The following AGMO variants were observed in gnomAD, a reference collection of about 807,000 sequenced individuals.
The protein encoded by AGMO is alkylglycerol monooxygenase.
A neutral mutation model predicts 60.2 loss-of-function variants in AGMO; 75 were observed. The ratio of observed to expected loss-of-function variants is 1.25; its 90% CI spans 1.03 to 1.51. The LOEUF is 1.51. Among genes scored for constraint, AGMO ranks in the 40% most tolerant of loss-of-function variants. The pLI, the probability that AGMO is intolerant of heterozygous loss-of-function variation, is 0.00. For missense variants in AGMO, 763 were observed against 525.5 expected (o/e 1.45, Z -4.42); for synonymous variants, 261 against 177.1 (o/e 1.47, Z -3.76).
At position 15,234,137 on chromosome 7, in the gene AGMO, G is replaced by A. The variant is rs904800539; in HGVS notation, c.1264-32778C>T. On this transcript the variant is annotated intron_variant, in intron 12 of 12. Coordinates refer to ENST00000342526, the MANE Select transcript of AGMO (RefSeq NM_001004320.2). ...AACTTCACTACTGACTACAACTTCC[G>A]AAAATGAGATTAAATATAGTCCTTC... Among the ~76,000 whole-genome samples the A allele has an allele frequency of 5.3e-5, 8 of 152,218 alleles. 1 individual carries two copies. Among genetic ancestry groups the A allele is most frequent in the South Asian group, 4.1e-4 (2 of 4,824 alleles).
chr7:15,396,811 T>G (rs1170983376), intron 5 of AGMO, among the ~76,000 whole-genome samples: 2 of 152,100 alleles, frequency 1.3e-5, no homozygotes, highest in Non-Finnish European at 2.9e-5. Context: ...TACAGAGAGC[T>G]GATTGGTCCA....
At chr7:15,510,325 C>A (rs56326956) in intron 3 of AGMO, among the ~76,000 whole-genome samples, 4,578 of 151,984 alleles carry the variant, frequency 0.03, 224 homozygotes, top group African/African-American at 0.11. Context: ...ACCACCATGC[C>A]TAGCTAAGTT....
At chr7:15,525,625 C>A (rs899815204) in intron 3 of AGMO, among the ~76,000 whole-genome samples, 3 of 152,066 alleles carry the variant, frequency 2.0e-5, no homozygotes, top group Non-Finnish European at 4.4e-5. Context: ...TTCTTGGATG[C>A]AGGACAAGAA....
Position 15,290,821 on chromosome 7 carries a change from G to C in AGMO, c.1263+74693C>G, listed in dbSNP as rs1032702659. Among the ~76,000 whole-genome samples the C allele has an allele frequency of 6.6e-5, 10 of 152,226 alleles. No homozygotes were observed. In the East Asian group the frequency reaches 1.7e-3, roughly 26 times the overall value. On this transcript the variant is annotated intron_variant, in intron 12 of 12. Transcript: ENST00000342526. ...ACAATCTGAATGATAGTTAAAAACA[G>C]GTATTTTGAGATCTTACACTAGACC...
chr7:15,231,500 G>A (rs999945342), intron 12 of AGMO, among the ~76,000 whole-genome samples: 1 of 152,054 alleles, frequency 6.6e-6, no homozygotes, highest in Non-Finnish European at 1.5e-5. Context: ...CAAATTTTGC[G>A]TTATATTTTA....
At chr7:15,150,254 G>C in the AGMO span, among the ~76,000 whole-genome samples, 248 of 152,202 alleles carry the variant, frequency 1.6e-3, no homozygotes, top group Non-Finnish European at 2.6e-3. Flanking sequence ...TGTGAAGAGA[G>C]ATAGTTTTAC....
At chr7:15,443,445 G>A (rs1037204832) in intron 3 of AGMO, among the ~76,000 whole-genome samples, 2 of 152,114 alleles carry the variant, frequency 1.3e-5, no homozygotes, top group African/African-American at 4.8e-5. Context: ...TCAATACTTT[G>A]ACTATTATAC....
intron 3 of AGMO, among the ~76,000 whole-genome samples, chr7:15,514,475 A>T (rs1039718865): frequency 6.6e-6 from 1 of 152,332 alleles, no homozygotes; most frequent in Middle Eastern, 3.4e-3. Context: ...TATAGTATTT[A>T]TGCCCATGTT....
intron 3 of AGMO, among the ~76,000 whole-genome samples, chr7:15,486,073 C>T (rs1432503814): frequency 6.6e-6 from 1 of 152,168 alleles, no homozygotes; most frequent in African/African-American, 2.4e-5. Context: ...GCTTTTTCCA[C>T]TGCAGCATGC....
chr7:15,399,861 C>G (rs999963831), intron 5 of AGMO, among the ~76,000 whole-genome samples: 1 of 152,190 alleles, frequency 6.6e-6, no homozygotes, highest in Non-Finnish European at 1.5e-5. Context: ...TGTTCACATT[C>G]TTTCTGGATA....
chr7:15,522,675 C>T (rs927142968), intron 3 of AGMO, among the ~76,000 whole-genome samples: 4 of 152,134 alleles, frequency 2.6e-5, no homozygotes, highest in Admixed American at 2.0e-4. Flanking sequence ...CCCTTCCTTA[C>T]ACCTTATACA....
chr7:15,125,315 C>T, the AGMO span, among the ~76,000 whole-genome samples: 1 of 152,044 alleles, frequency 6.6e-6, no homozygotes, highest in Non-Finnish European at 1.5e-5. Flanking sequence ...CTCTTCTGTG[C>T]CCTACTCACA....
Position 15,412,969 on chromosome 7 carries a change from A to G in AGMO, c.609+5589T>C, listed in dbSNP as rs201197629. Among the ~76,000 whole-genome samples the G allele has an allele frequency of 1.6e-4, 24 of 152,280 alleles. No individual in the cohort carries two copies. In the East Asian group the frequency reaches 3.9e-3, roughly 24 times the overall value. ...ATTGACAATAAATTACTAGATGTAC[A>G]AAGAAAAAACACAAATGCGATTCAT... On this transcript the variant is annotated intron_variant, in intron 5 of 12. Transcript: ENST00000342526.
the AGMO span, among the ~76,000 whole-genome samples, chr7:15,142,318 G>C: frequency 1.1e-3 from 172 of 152,220 alleles, 1 homozygote; most frequent in African/African-American, 3.8e-3. Flanking sequence ...AGGTCCAAGT[G>C]AAATATGGCC....
At position 15,406,360 on chromosome 7, in the gene AGMO, A is replaced by C. The variant is rs183333413; in HGVS notation, c.610-12181T>G. Reference sequence around the variant, plus strand: ...TACATATATATGTGTATATATATGTATATACACACATACATATGAATATAC... The same window carrying C: ...TACATATATATGTGTATATATATGTCTATACACACATACATATGAATATAC... On this transcript the variant is annotated intron_variant, in intron 5 of 12. Transcript: ENST00000342526. Among the ~76,000 whole-genome samples the C allele has an allele frequency of 1.9e-4, 27 of 145,682 alleles. No individual in the cohort carries two copies. In the East Asian group the frequency reaches 5.0e-3, roughly 27 times the overall value.
chr7:15,561,769 C>T lies in AGMO; in HGVS notation c.77G>A (p.Ser26Asn), dbSNP rs2115320976. 6.2e-7 allele frequency: 1 copy of T among 1,612,222 alleles called. No individual in the cohort carries two copies. Among genetic ancestry groups the T allele is most frequent in the Non-Finnish European group, 8.5e-7 (1 of 1,178,822 alleles). ...TTCTAATGTTTGGAATGAAGTTTCA[C>T]TGGGTTTCATCGTGTAAAACAACAT... The part of the protein sequence containing the change: ...FRMLFYTMKP[S>N]ETSFQTLEEV... Residue 26 changes from serine to asparagine, a missense_variant, in exon 1 of 13, where the codon AGT (serine) becomes AAT (asparagine). By Grantham distance (46) the Ser-to-Asn change is conservative. Transcript: ENST00000342526.
At chr7:15,375,045 G>C (rs963956130) in intron 10 of AGMO, among the ~76,000 whole-genome samples, 2 of 152,194 alleles carry the variant, frequency 1.3e-5, no homozygotes, top group Non-Finnish European at 2.9e-5. Context: ...TCACTAAGTA[G>C]AGAACACCAA....
intron 10 of AGMO, 142 bp from the exon 11 acceptor site, chr7:15,366,364 A>G (rs1281917813): frequency 5.9e-6 from 3 of 511,324 alleles, no homozygotes; most frequent in Non-Finnish European, 1.0e-5. Flanking sequence ...GCTTGACTAC[A>G]CAGAAAACAT....
chr7:15,444,549 T>C (rs10278392), intron 3 of AGMO, among the ~76,000 whole-genome samples: 92,519 of 152,120 alleles, frequency 0.61, 28,639 homozygotes, highest in Non-Finnish European at 0.67. Flanking sequence ...AAACATTTGA[T>C]CACTTCTTCT....
Sources: allele counts gnomAD v4.1 joint callset (sites outside exome capture counted in the v4.1 genomes callset), GRCh38; gene constraint gnomAD v4.1.1; transcripts MANE v1.5; gene names NCBI Gene and HGNC (gene_info 2026-07-23, HGNC 2026-07-21).